NCKAP5: variants seen among roughly 807,000 people sequenced by gnomAD.
NCKAP5 encodes NCK associated protein 5.
A neutral mutation model predicts 167.0 loss-of-function variants in NCKAP5; 92 were observed. That is an observed-to-expected ratio of 0.55 (90% CI 0.47 to 0.66). The LOEUF (loss-of-function observed/expected upper bound fraction) is 0.66. NCKAP5 is among the 30% of genes least tolerant of loss of function. The pLI is 0.00. For missense variants in NCKAP5, 2,378 were observed against 2,315.0 expected (o/e 1.03, Z -0.56); for synonymous variants, 891 against 877.4 (o/e 1.02, Z -0.27).
At chr2:133,203,414 T>G (rs942069890) in intron 5 of NCKAP5, among the ~76,000 whole-genome samples, 1 of 151,992 alleles carries the variant, frequency 6.6e-6, no homozygotes, top group African/African-American at 2.4e-5. Context: ...CGGGGAGGAA[T>G]AGCATTAGGA....
chr2:132,879,040 T>G (rs570307841), intron 8 of NCKAP5, 124 bp from the exon 9 acceptor site: 24 of 746,962 alleles, frequency 3.2e-5, no homozygotes, highest in East Asian at 2.9e-4. Context: ...GAAGTACCTA[T>G]GACAAGTTCA....
intron 7 of NCKAP5, among the ~76,000 whole-genome samples, chr2:132,970,737 G>A (rs1573591179): frequency 6.6e-6 from 1 of 152,152 alleles, no homozygotes; most frequent in East Asian, 1.9e-4. Context: ...TTGTTCTCAA[G>A]CAGTCAACAT....
At chr2:133,455,015 A>G (rs1044194804) in intron 3 of NCKAP5, among the ~76,000 whole-genome samples, 1 of 152,112 alleles carries the variant, frequency 6.6e-6, no homozygotes, top group Non-Finnish European at 1.5e-5. Context: ...AATATTAAAA[A>G]ATATTTCGTG....
chr2:133,644,688 C>T, the NCKAP5 span, among the ~76,000 whole-genome samples: 1 of 152,114 alleles, frequency 6.6e-6, no homozygotes, highest in African/African-American at 2.4e-5. Flanking sequence ...TTTATGGATG[C>T]ACATCTAGTC....
At chr2:133,186,639 G>T (rs1231611932) in intron 5 of NCKAP5, among the ~76,000 whole-genome samples, 1 of 151,956 alleles carries the variant, frequency 6.6e-6, no homozygotes. Flanking sequence ...GCTTGTTATT[G>T]GTCTCTTCAG....
intron 2 of NCKAP5, among the ~76,000 whole-genome samples, chr2:133,547,236 G>C (rs982740693): frequency 2.0e-5 from 3 of 152,294 alleles, no homozygotes; most frequent in Non-Finnish European, 4.4e-5. Context: ...TACGCCCACG[G>C]AGTCTCGCTG....
intron 8 of NCKAP5, among the ~76,000 whole-genome samples, chr2:132,951,453 C>A (rs1320792591): frequency 6.6e-6 from 1 of 152,176 alleles, no homozygotes; most frequent in Non-Finnish European, 1.5e-5. Context: ...ATCTCTCCTC[C>A]CACATCCACA....
chr2:132,928,189 T>C (rs967268976), intron 8 of NCKAP5, among the ~76,000 whole-genome samples: 4 of 152,216 alleles, frequency 2.6e-5, no homozygotes, highest in Non-Finnish European at 4.4e-5. Flanking sequence ...AACTCCTCTG[T>C]GCCTCAGTAT....
chr2:132,944,863 C>T (rs897787247), intron 8 of NCKAP5, among the ~76,000 whole-genome samples: 43 of 152,104 alleles, frequency 2.8e-4, no homozygotes, highest in Admixed American at 6.5e-4. Flanking sequence ...TCACTGCTTT[C>T]CTGGAACCAA....
intron 2 of NCKAP5, among the ~76,000 whole-genome samples, chr2:133,548,636 T>TA (rs1558774999): frequency 1.3e-5 from 2 of 151,970 alleles, no homozygotes; most frequent in Non-Finnish European, 2.9e-5. Context: ...CTAAGCTTCA[T>TA]AAGTGAAGGA....
At chr2:133,447,892 G>A (rs970226232) in intron 3 of NCKAP5, among the ~76,000 whole-genome samples, 1 of 152,190 alleles carries the variant, frequency 6.6e-6, no homozygotes, top group African/African-American at 2.4e-5. Context: ...ATGTCCAGCT[G>A]GCTGAGACAG....
At chr2:133,494,095 C>T (rs1164303391) in intron 3 of NCKAP5, among the ~76,000 whole-genome samples, 1 of 152,216 alleles carries the variant, frequency 6.6e-6, no homozygotes, top group East Asian at 1.9e-4. Context: ...AGAGACAGTG[C>T]CGTTGCACTG....
intron 17 of NCKAP5, among the ~76,000 whole-genome samples, chr2:132,729,576 G>A (rs1690786577): frequency 1.3e-5 from 2 of 152,190 alleles, no homozygotes; most frequent in African/African-American, 4.8e-5. Flanking sequence ...GGTATGGGGT[G>A]GGCTCTGAGA....
intron 2 of NCKAP5, among the ~76,000 whole-genome samples, chr2:133,542,648 T>G (rs1225555701): frequency 6.6e-6 from 1 of 152,210 alleles, no homozygotes; most frequent in Non-Finnish European, 1.5e-5. Context: ...CAGACTACCT[T>G]GACATCTTTT....
At chr2:132,748,963 T>C (rs1679881705) in intron 16 of NCKAP5, among the ~76,000 whole-genome samples, 1 of 152,004 alleles carries the variant, frequency 6.6e-6, no homozygotes, top group Admixed American at 6.6e-5. Context: ...TTTGTATTTT[T>C]AGTAGAGATG....
In NCKAP5 at chr2:133,467,714, C is replaced by G. The variant is rs1575007888; in HGVS notation, c.69+49744G>C. On this transcript the variant is annotated intron_variant, in intron 3 of 19. Coordinates refer to ENST00000409261, the MANE Select transcript of NCKAP5 (RefSeq NM_207363.3). The stretch of plus-strand genomic sequence containing the variant: ...CCTGTTATTGGTCTATTCAGAGATT[C>G]AACTTCTTCCTGGTTTAGTCTTGGG... Among the ~76,000 whole-genome samples, 2 of 148,102 alleles carry G rather than the reference C, an allele frequency of 1.4e-5. 1 individual carries two copies. The highest frequency in any genetic ancestry group is 4.1e-4 in the East Asian group (2 of 4,870).
chr2:133,026,383 T>C (rs902409408), intron 6 of NCKAP5, among the ~76,000 whole-genome samples: 1 of 150,906 alleles, frequency 6.6e-6, no homozygotes, highest in East Asian at 1.9e-4. Context: ...CTAGTGTTTT[T>C]TTTTTTTTTT....
At chr2:133,498,936 C>T (rs1682226523) in intron 3 of NCKAP5, among the ~76,000 whole-genome samples, 1 of 152,242 alleles carries the variant, frequency 6.6e-6, no homozygotes, top group Non-Finnish European at 1.5e-5. Flanking sequence ...GAATAATGCA[C>T]TCCTTTCGGA....
At chr2:133,158,713 T>C (rs1349482112) in intron 5 of NCKAP5, among the ~76,000 whole-genome samples, 2 of 152,158 alleles carry the variant, frequency 1.3e-5, no homozygotes, top group African/African-American at 4.8e-5. Flanking sequence ...ATCTATCTTA[T>C]ATTCAATTAA....
Sources: gnomAD v4.1 joint callset for allele counts (sites outside exome capture counted in the v4.1 genomes callset) on GRCh38, gnomAD v4.1.1 for gene constraint, MANE v1.5 for transcripts, NCBI Gene and HGNC (gene_info 2026-07-23, HGNC 2026-07-21) for gene names.